MTFR1: variants seen among roughly 807,000 people sequenced by gnomAD.
MTFR1 encodes chondrocyte protein with a poly-proline region.
In MTFR1, 28 loss-of-function variants were observed where a neutral mutation model predicts 38.8. That is an observed-to-expected ratio of 0.72 (90% confidence interval 0.53 to 0.99). The LOEUF (loss-of-function observed/expected upper bound fraction) is 0.99. Among genes scored for constraint, MTFR1 ranks in the 50% least tolerant of loss-of-function variants. The pLI is 0.00. For missense variants in MTFR1, 358 were observed against 395.5 expected (o/e 0.91, Z 0.81); for synonymous variants, 145 against 137.0 (o/e 1.06, Z -0.41).
At chr8:65,695,443 A>G (rs1309920736) in intron 4 of MTFR1, among the ~76,000 whole-genome samples, 1 of 151,740 alleles carries the variant, frequency 6.6e-6, no homozygotes, top group Non-Finnish European at 1.5e-5. Flanking sequence ...TGCAACCCCC[A>G]CCTCCCGGGT....
chr8:65,697,516 A>G (rs1027701380), intron 4 of MTFR1, among the ~76,000 whole-genome samples: 1 of 152,210 alleles, frequency 6.6e-6, no homozygotes, highest in African/African-American at 2.4e-5. Flanking sequence ...AGTTTGTTTA[A>G]TCATGCAGTA....
chr8:65,662,029 CT>C (rs1809432916), intron 1 of MTFR1, among the ~76,000 whole-genome samples: 2 of 101,774 alleles, frequency 2.0e-5, no homozygotes, highest in Non-Finnish European at 3.9e-5. Context: ...CCCTCTCTCT[CT>C]CCCTCTCTCT....
At chr8:65,702,660 C>T (rs1311132485) in intron 4 of MTFR1, among the ~76,000 whole-genome samples, 2 of 151,978 alleles carry the variant, frequency 1.3e-5, no homozygotes, top group African/African-American at 4.8e-5. Context: ...CAAGGTTGTT[C>T]TGTAAACTAA....
intron 3 of MTFR1, chr8:65,734,935 CA>C: frequency 9.3e-6 from 11 of 1,188,324 alleles, no homozygotes; most frequent in Non-Finnish European, 1.3e-5. Context: ...TGTATATGAG[CA>C]ACATATACAA....
intron 3 of MTFR1, among the ~76,000 whole-genome samples, chr8:65,686,754 C>T (rs1805093363): frequency 6.6e-6 from 1 of 152,012 alleles, no homozygotes; most frequent in South Asian, 2.1e-4. Flanking sequence ...GAAACCCCAT[C>T]TCTACTAAAA....
At chr8:65,675,011 C>T (rs933638707) in intron 2 of MTFR1, among the ~76,000 whole-genome samples, 7 of 152,106 alleles carry the variant, frequency 4.6e-5, no homozygotes, top group African/African-American at 1.4e-4. Context: ...TTATATATGG[C>T]CTGGTGCAGT....
chr8:65,735,230 C>T lies in MTFR1; in HGVS notation c.*48+15749C>T, dbSNP rs141050204. On this transcript the variant is annotated intron_variant, in intron 3 of 3. Coordinates refer to the MTFR1 transcript ENST00000521247. ...CCTACCTGTGATGGGGAAACACAAT[C>T]GCCGAGTGAGCGGGACAGACCATCA... Among the ~76,000 whole-genome samples the T allele has an allele frequency of 2.6e-5, 4 of 152,266 alleles. No homozygotes were observed. The East Asian group carries it at 7.7e-4, about 29-fold the overall frequency.
At chr8:65,648,452 G>A (rs1033171528) in intron 1 of MTFR1, among the ~76,000 whole-genome samples, 3 of 152,068 alleles carry the variant, frequency 2.0e-5, no homozygotes, top group Non-Finnish European at 4.4e-5. Context: ...TGAAAAATAT[G>A]TCAGCTGGGA....
chr8:65,745,358 G>T, intron 3 of MTFR1: 3 of 1,032,164 alleles, frequency 2.9e-6, no homozygotes, highest in Non-Finnish European at 4.6e-6. Context: ...CACCATCAAT[G>T]CAGTAATCTA....
intron 1 of MTFR1, among the ~76,000 whole-genome samples, chr8:65,657,654 A>G (rs546593487): frequency 1.3e-5 from 2 of 152,058 alleles, no homozygotes; most frequent in South Asian, 2.1e-4. Flanking sequence ...GTGGTGAGCA[A>G]TGATCATGCC....
intron 7 of MTFR1, 111 bp downstream of exon 7, chr8:65,708,122 G>T (rs1395378411): frequency 6.3e-7 from 1 of 1,599,770 alleles, no homozygotes; most frequent in African/African-American, 1.3e-5. Context: ...CCAAAGGGAG[G>T]TGATACAGGA....
intron 3 of MTFR1, among the ~76,000 whole-genome samples, chr8:65,763,029 G>A (rs76112748): frequency 6.8e-6 from 1 of 146,092 alleles, no homozygotes; most frequent in African/African-American, 2.5e-5. Flanking sequence ...GTGTGTGTGT[G>A]TGTGTGTGTA....
intron 4 of MTFR1, among the ~76,000 whole-genome samples, chr8:65,698,965 G>A (rs112244246): frequency 0.017 from 2,562 of 152,174 alleles, 77 homozygotes; most frequent in African/African-American, 0.058. Flanking sequence ...CTGACATCAG[G>A]TGGTCACCTG....
intron 2 of MTFR1, among the ~76,000 whole-genome samples, chr8:65,680,403 G>T (rs1343627105): frequency 6.6e-6 from 1 of 152,064 alleles, no homozygotes; most frequent in African/African-American, 2.4e-5. Flanking sequence ...GGCCACAAAT[G>T]ATCCTCCTAC....
intron 1 of MTFR1, among the ~76,000 whole-genome samples, chr8:65,662,965 G>T (rs1267540901): frequency 6.6e-6 from 1 of 151,548 alleles, no homozygotes; most frequent in Admixed American, 6.6e-5. Flanking sequence ...GGGCGCCTCT[G>T]CCCGGCCGCC....
At chr8:65,747,627 GTTTTC>G in intron 3 of MTFR1, 2 of 1,504,010 alleles carry the variant, frequency 1.3e-6, no homozygotes, top group East Asian at 4.6e-5. Context: ...AAAAATTAAT[GTTTTC>G]TTAAAAAAAC....
intron 4 of MTFR1, among the ~76,000 whole-genome samples, chr8:65,701,389 G>GT (rs1805608653): frequency 6.6e-6 from 1 of 152,190 alleles, no homozygotes; most frequent in South Asian, 2.1e-4. Context: ...CATAGACATT[G>GT]TCATCAAGCG....
chr8:65,659,782 T>C (rs1809361652), intron 1 of MTFR1, among the ~76,000 whole-genome samples: 1 of 152,208 alleles, frequency 6.6e-6, no homozygotes, highest in Admixed American at 6.5e-5. Context: ...ACTGATTCAT[T>C]GTATCTTACA....
At chr8:65,663,822 C>CTTTTTTTTTTTTTTTTTTTTTT (rs1035579864) in intron 1 of MTFR1, among the ~76,000 whole-genome samples, 4 of 78,562 alleles carry the variant, frequency 5.1e-5, no homozygotes, top group Non-Finnish European at 7.5e-5. Context: ...AATTTCTTTT[C>CTTTTTTTTTTTTTTTTTTTTTT]TTTTTTTTTT....
Sources: gnomAD v4.1 joint callset for allele counts (sites outside exome capture counted in the v4.1 genomes callset) on GRCh38, gnomAD v4.1.1 for gene constraint, MANE v1.5 for transcripts, NCBI Gene and HGNC (gene_info 2026-07-23, HGNC 2026-07-21) for gene names.